Variants in EXOC4 observed in about 807,000 individuals in gnomAD.
The protein encoded by EXOC4 is exocyst complex component 4, also known as SEC8-like 1.
In EXOC4, 71 loss-of-function variants were observed where a neutral mutation model predicts 107.2. The observed-to-expected ratio is 0.66, with a 90% CI of 0.55 to 0.81. The LOEUF (loss-of-function observed/expected upper bound fraction) is 0.81, where lower values mean the gene tolerates loss of function less well. EXOC4 is among the 30% of genes least tolerant of loss of function. EXOC4 has a pLI of 0.00. For missense variants in EXOC4, 1,108 were observed against 1,189.6 expected (o/e 0.93, Z 1.01); for synonymous variants, 456 against 441.2 (o/e 1.03, Z -0.42).
chr7:133,870,194 A>G (rs1585211943), intron 11 of EXOC4, among the ~76,000 whole-genome samples: 1 of 152,190 alleles, frequency 6.6e-6, no homozygotes, highest in East Asian at 1.9e-4. Context: ...TAAGCAATAA[A>G]GAAAAAGGCA....
Position 133,521,745 on chromosome 7 carries a change from G to A in EXOC4, c.1417+41607G>A, listed in dbSNP as rs191104542. Among the ~76,000 whole-genome samples, 250 of 151,968 alleles carry A rather than the reference G, an allele frequency of 1.6e-3. 1 individual carries two copies. In the Middle Eastern group the frequency reaches 0.017, roughly 10 times the overall value. ...AGCAATTCTCCTGCCTCAGCCTCCC[G>A]AGTAGCTGGGACTACAGGCACGTGC... On this transcript the variant is annotated intron_variant, in intron 9 of 17. Coordinates refer to ENST00000253861, the MANE Select transcript of EXOC4 (RefSeq NM_021807.4).
intron 11 of EXOC4, among the ~76,000 whole-genome samples, chr7:133,823,127 A>G (rs1797564563): frequency 6.6e-6 from 1 of 152,220 alleles, no homozygotes; most frequent in Non-Finnish European, 1.5e-5. Context: ...CTGTGCAAGT[A>G]CAAATTCTGG....
intron 9 of EXOC4, among the ~76,000 whole-genome samples, chr7:133,517,034 A>G (rs547657077): frequency 1.3e-5 from 2 of 152,206 alleles, no homozygotes; most frequent in South Asian, 2.1e-4. Context: ...TGCCATAACC[A>G]TAATGAGATT....
chr7:133,726,207 C>G (rs933625799), intron 10 of EXOC4, among the ~76,000 whole-genome samples: 3 of 152,138 alleles, frequency 2.0e-5, no homozygotes, highest in African/African-American at 7.2e-5. Flanking sequence ...GGTCTGAGGA[C>G]TAATCCTTGG....
At chr7:133,866,144 A>G (rs1377874527) in intron 11 of EXOC4, among the ~76,000 whole-genome samples, 1 of 152,142 alleles carries the variant, frequency 6.6e-6, no homozygotes, top group Non-Finnish European at 1.5e-5. Context: ...CATGCTTTTC[A>G]TATATATATA....
At chr7:133,511,289 A>G (rs1799763490) in intron 9 of EXOC4, among the ~76,000 whole-genome samples, 1 of 152,200 alleles carries the variant, frequency 6.6e-6, no homozygotes, top group African/African-American at 2.4e-5. Flanking sequence ...CAATTTTAAC[A>G]AAGGGTACTA....
intron 10 of EXOC4, among the ~76,000 whole-genome samples, chr7:133,732,309 C>T (rs1158213984): frequency 6.6e-6 from 1 of 152,132 alleles, no homozygotes; most frequent in Non-Finnish European, 1.5e-5. Flanking sequence ...GGGAGAGCAT[C>T]AGGATAAATA....
At chr7:133,362,233 T>C (rs934814397) in intron 6 of EXOC4, among the ~76,000 whole-genome samples, 3 of 152,198 alleles carry the variant, frequency 2.0e-5, no homozygotes, top group Non-Finnish European at 2.9e-5. Context: ...CTAGTACTTA[T>C]ATAGTCTCAT....
intron 10 of EXOC4, among the ~76,000 whole-genome samples, chr7:133,773,207 G>A (rs1047879860): frequency 6.6e-6 from 1 of 151,854 alleles, no homozygotes; most frequent in African/African-American, 2.4e-5. Context: ...TCTTATTTTA[G>A]AGACATGCCC....
At chr7:133,424,180 C>G (rs1028761017) in intron 7 of EXOC4, among the ~76,000 whole-genome samples, 4 of 152,174 alleles carry the variant, frequency 2.6e-5, no homozygotes, top group Admixed American at 2.6e-4. Context: ...TCACCTTCCA[C>G]GCTCTGGTAG....
chr7:133,941,194 T>C (rs970884543), intron 14 of EXOC4, among the ~76,000 whole-genome samples: 5 of 152,004 alleles, frequency 3.3e-5, no homozygotes, highest in African/African-American at 1.2e-4. Flanking sequence ...AGGCAGGGTT[T>C]CACTACATTG....
At chr7:133,270,561 A>T (rs1793843528) in intron 1 of EXOC4, among the ~76,000 whole-genome samples, 1 of 152,228 alleles carries the variant, frequency 6.6e-6, no homozygotes. Flanking sequence ...TTTATGGAAG[A>T]AGGAATAGAC....
chr7:134,067,630 TATATATATAC>T (rs1300511642), downstream of EXOC4, among the ~76,000 whole-genome samples: 1 of 20,270 alleles, frequency 4.9e-5, no homozygotes, highest in East Asian at 1.9e-3. Context: ...AACTCTTATA[TATATATATAC>T]ACACACACAC....
At chr7:133,371,178 A>G (rs147144520) in intron 6 of EXOC4, among the ~76,000 whole-genome samples, 242 of 152,294 alleles carry the variant, frequency 1.6e-3, no homozygotes, top group African/African-American at 5.5e-3. Flanking sequence ...CTTCAGTGCT[A>G]GAGAGGTGTT....
At chr7:133,306,791 C>T (rs1283476685) in intron 4 of EXOC4, among the ~76,000 whole-genome samples, 1 of 151,946 alleles carries the variant, frequency 6.6e-6, no homozygotes, top group African/African-American at 2.4e-5. Flanking sequence ...TTTAGGTTGT[C>T]CTTTTTCTGG....
chr7:133,560,871 G>T (rs957693833), intron 9 of EXOC4, among the ~76,000 whole-genome samples: 1 of 152,048 alleles, frequency 6.6e-6, no homozygotes, highest in African/African-American at 2.4e-5. Context: ...ACAATGAATT[G>T]GCATTTGTAT....
chr7:133,645,032 G>C (rs562512121), intron 10 of EXOC4, among the ~76,000 whole-genome samples: 1 of 150,948 alleles, frequency 6.6e-6, no homozygotes, highest in Non-Finnish European at 1.5e-5. Context: ...TCCTTCACCT[G>C]GTGAATTTCT....
chr7:133,581,004 A>G (rs980985115), intron 9 of EXOC4, among the ~76,000 whole-genome samples: 1 of 152,224 alleles, frequency 6.6e-6, no homozygotes, highest in Non-Finnish European at 1.5e-5. Flanking sequence ...AGTGCTGTAT[A>G]AGCAGTCTCA....
At chr7:133,476,719 A>G (rs549616670) in intron 8 of EXOC4, among the ~76,000 whole-genome samples, 5 of 152,302 alleles carry the variant, frequency 3.3e-5, no homozygotes, top group South Asian at 4.1e-4. Flanking sequence ...ATCAGTTACA[A>G]TGCTTTAGGC....
Sources: allele counts gnomAD v4.1 joint callset (sites outside exome capture counted in the v4.1 genomes callset), GRCh38; gene constraint gnomAD v4.1.1; transcripts MANE v1.5; gene names NCBI Gene and HGNC (gene_info 2026-07-23, HGNC 2026-07-21).